Variants in PPP2R2B observed in about 807,000 individuals in gnomAD.
PPP2R2B encodes protein phosphatase 2 regulatory subunit Bbeta.
In PPP2R2B, 5 loss-of-function variants were observed where a neutral mutation model predicts 46.0. That is an observed-to-expected ratio of 0.11 (90% CI 0.06 to 0.23). The LOEUF is 0.23. Among genes scored for constraint, PPP2R2B ranks in the 10% least tolerant of loss-of-function variants. PPP2R2B has a pLI of 1.00. For missense variants in PPP2R2B, 367 were observed against 575.0 expected (o/e 0.64, Z 3.70); for synonymous variants, 215 against 206.7 (o/e 1.04, Z -0.34).
intron 1 of PPP2R2B, among the ~76,000 whole-genome samples, chr5:146,884,497 C>T (rs1434472195): frequency 6.6e-6 from 1 of 152,164 alleles, no homozygotes; most frequent in Non-Finnish European, 1.5e-5. Flanking sequence ...TTTGACTATT[C>T]AGGTTCTATT....
chr5:146,724,659 A>T (rs1465537584), intron 2 of PPP2R2B, among the ~76,000 whole-genome samples: 1 of 152,172 alleles, frequency 6.6e-6, no homozygotes, highest in Admixed American at 6.5e-5. Flanking sequence ...CAAATTCCTT[A>T]GGGAAATTCC....
At chr5:146,959,454 T>C (rs1195396616) in intron 1 of PPP2R2B, among the ~76,000 whole-genome samples, 1 of 151,950 alleles carries the variant, frequency 6.6e-6, no homozygotes. Flanking sequence ...GAAGACAGAG[T>C]CTCTGCCTTA....
chr5:146,924,658 T>C (rs319157), intron 1 of PPP2R2B, among the ~76,000 whole-genome samples: 1 of 152,204 alleles, frequency 6.6e-6, no homozygotes, highest in East Asian at 1.9e-4. Context: ...GTTTATGATC[T>C]GCTTTCACCA....
At chr5:146,957,291 C>G (rs1751958699) in intron 1 of PPP2R2B, among the ~76,000 whole-genome samples, 1 of 152,184 alleles carries the variant, frequency 6.6e-6, no homozygotes, top group African/African-American at 2.4e-5. Flanking sequence ...ACTTAGAAAT[C>G]TACATTTGCA....
chr5:147,033,665 G>A (rs1755900274), intron 1 of PPP2R2B, among the ~76,000 whole-genome samples: 1 of 152,006 alleles, frequency 6.6e-6, no homozygotes, highest in South Asian at 2.1e-4. Flanking sequence ...AGCCTACATA[G>A]CAAGTCAAGC....
At chr5:146,647,950 G>A (rs1775695484) in intron 6 of PPP2R2B, among the ~76,000 whole-genome samples, 1 of 152,186 alleles carries the variant, frequency 6.6e-6, no homozygotes, top group Non-Finnish European at 1.5e-5. Flanking sequence ...AGTTCTCATT[G>A]TCTCCAAATA....
intron 1 of PPP2R2B, chr5:147,035,301 C>T (rs907402302): frequency 1.0e-4 from 37 of 352,592 alleles, no homozygotes; most frequent in African/African-American, 7.1e-4. Flanking sequence ...CACTTTTCAA[C>T]CATTAGATCT....
At chr5:146,917,148 A>G (rs551998346) in intron 1 of PPP2R2B, among the ~76,000 whole-genome samples, 2 of 152,168 alleles carry the variant, frequency 1.3e-5, no homozygotes, top group Non-Finnish European at 2.9e-5. Flanking sequence ...CTTTGAGTCT[A>G]TTTGCTGATT....
chr5:147,077,438 A>C (rs982190961), intron 2 of PPP2R2B, among the ~76,000 whole-genome samples: 1 of 151,972 alleles, frequency 6.6e-6, no homozygotes, highest in Non-Finnish European at 1.5e-5. Flanking sequence ...TAAGTGATAG[A>C]ACTGAAATAG....
chr5:146,640,237 G>A (rs1271306565), intron 6 of PPP2R2B, among the ~76,000 whole-genome samples: 5 of 152,312 alleles, frequency 3.3e-5, no homozygotes, highest in Admixed American at 2.0e-4. Flanking sequence ...AAATTGGCAT[G>A]AGACTGAGCT....
At chr5:146,645,744 G>A (rs1775538885) in intron 6 of PPP2R2B, among the ~76,000 whole-genome samples, 1 of 152,198 alleles carries the variant, frequency 6.6e-6, no homozygotes, top group East Asian at 1.9e-4. Flanking sequence ...TATCCCTAGA[G>A]TCCAGCTGGC....
At chr5:146,758,843 A>G (rs536608105) in intron 2 of PPP2R2B, among the ~76,000 whole-genome samples, 1 of 152,170 alleles carries the variant, frequency 6.6e-6, no homozygotes, top group Non-Finnish European at 1.5e-5. Flanking sequence ...TCACAGCTAC[A>G]TTTATGATAG....
At chr5:147,031,797 AG>A (rs1281188023) in intron 1 of PPP2R2B, among the ~76,000 whole-genome samples, 1 of 152,206 alleles carries the variant, frequency 6.6e-6, no homozygotes, top group East Asian at 1.9e-4. Flanking sequence ...AAGTGGGGAA[AG>A]GACACTCTTT....
chr5:146,869,307 A>G (rs1027370658), intron 2 of PPP2R2B, among the ~76,000 whole-genome samples: 5 of 152,226 alleles, frequency 3.3e-5, no homozygotes, highest in Non-Finnish European at 7.3e-5. Context: ...AAAATCAGGA[A>G]GGAGGACATT....
chr5:146,898,311 G>C lies in PPP2R2B; in HGVS notation c.79+157354C>G, dbSNP rs956347583. ...TTGGTACCAGTACCATGCTGTTTTGGTTACTGTAGCCTTGCAGTATAGTTT... is the reference window on the plus strand; with the variant it reads ...TTGGTACCAGTACCATGCTGTTTTGCTTACTGTAGCCTTGCAGTATAGTTT... On this transcript the variant is annotated intron_variant, in intron 1 of 8. Transcript: ENST00000336640. 3.3e-5 allele frequency among the ~76,000 whole-genome samples: 5 copies of C among 152,256 alleles called. No homozygotes were observed. The East Asian group carries it at 9.7e-4, about 29-fold the overall frequency.
At chr5:146,926,464 T>C (rs1763785453) in intron 1 of PPP2R2B, among the ~76,000 whole-genome samples, 1 of 152,094 alleles carries the variant, frequency 6.6e-6, no homozygotes, top group Non-Finnish European at 1.5e-5. Flanking sequence ...CAATGTCAGC[T>C]CACTGCAAGC....
chr5:146,722,710 T>C (rs1036981738), intron 2 of PPP2R2B, among the ~76,000 whole-genome samples: 8 of 152,220 alleles, frequency 5.3e-5, no homozygotes, highest in Admixed American at 3.9e-4. Context: ...CCTGCAATGC[T>C]GAACATCTGA....
chr5:146,865,730 C>T (rs373793295), intron 2 of PPP2R2B, among the ~76,000 whole-genome samples: 2 of 152,176 alleles, frequency 1.3e-5, no homozygotes, highest in South Asian at 4.1e-4. Flanking sequence ...ACATTCATTC[C>T]ATTACATCTC....
At chr5:146,639,670 G>A (rs1444963207) in intron 6 of PPP2R2B, among the ~76,000 whole-genome samples, 4 of 152,196 alleles carry the variant, frequency 2.6e-5, no homozygotes, top group South Asian at 2.1e-4. Flanking sequence ...TTTCCTACTC[G>A]TGAGCCACCT....
Sources: gnomAD v4.1 joint callset for allele counts (sites outside exome capture counted in the v4.1 genomes callset) on GRCh38, gnomAD v4.1.1 for gene constraint, MANE v1.5 for transcripts, NCBI Gene and HGNC (gene_info 2026-07-23, HGNC 2026-07-21) for gene names.